THEMIS: variants seen among roughly 807,000 people sequenced by gnomAD.
THEMIS encodes the protein thymocyte selection associated.
THEMIS carries 37 observed loss-of-function variants against 52.6 expected under a neutral mutation model. That is an observed-to-expected ratio of 0.70 (90% CI 0.54 to 0.93). The LOEUF (loss-of-function observed/expected upper bound fraction) is 0.93, where lower values mean the gene tolerates loss of function less well. Ranked by LOEUF, THEMIS falls within the 40% of genes least tolerant of loss-of-function variation. The pLI, the probability that THEMIS is intolerant of heterozygous loss-of-function variation, is 0.00. For missense variants in THEMIS, 808 were observed against 763.1 expected (o/e 1.06, Z -0.69); for synonymous variants, 292 against 272.7 (o/e 1.07, Z -0.70).
chr6:127,717,996 G>A (rs1774231121), intron 5 of THEMIS, among the ~76,000 whole-genome samples: 1 of 151,752 alleles, frequency 6.6e-6, no homozygotes, highest in Admixed American at 6.6e-5. Flanking sequence ...TATTCCATGA[G>A]CTATCCATAT....
At chr6:127,865,174 C>T (rs1562309302) in intron 1 of THEMIS, among the ~76,000 whole-genome samples, 1 of 152,004 alleles carries the variant, frequency 6.6e-6, no homozygotes, top group Non-Finnish European at 1.5e-5. Flanking sequence ...TACAGTGTGG[C>T]CAAGGACCTC....
At chr6:127,736,672 G>GAA in intron 4 of THEMIS, among the ~76,000 whole-genome samples, 1 of 152,120 alleles carries the variant, frequency 6.6e-6, no homozygotes, top group South Asian at 2.1e-4. Context: ...CTAGGCTAAA[G>GAA]ACTCATCATT....
intron 4 of THEMIS, among the ~76,000 whole-genome samples, chr6:127,779,023 C>A (rs529892318): frequency 3.3e-5 from 5 of 152,162 alleles, no homozygotes; most frequent in Middle Eastern, 6.8e-3. Flanking sequence ...GTTGTTACAA[C>A]ATTATCTCTC....
intron 1 of THEMIS, among the ~76,000 whole-genome samples, chr6:127,888,166 TAGG>T (rs1273384160): frequency 1.3e-5 from 2 of 151,994 alleles, no homozygotes; most frequent in African/African-American, 4.8e-5. Context: ...CTAGTATGGC[TAGG>T]AGGAGAAGCA....
At chr6:127,866,601 T>C (rs1370879622) in intron 1 of THEMIS, among the ~76,000 whole-genome samples, 1 of 152,028 alleles carries the variant, frequency 6.6e-6, no homozygotes, top group Non-Finnish European at 1.5e-5. Context: ...ACTCTCCCCA[T>C]ATTTCCGTAT....
intron 4 of THEMIS, among the ~76,000 whole-genome samples, chr6:127,754,494 T>G (rs918231137): frequency 2.0e-5 from 3 of 152,182 alleles, no homozygotes; most frequent in African/African-American, 7.2e-5. Context: ...ATTCCTCTCA[T>G]AGTCACAAGA....
intron 4 of THEMIS, among the ~76,000 whole-genome samples, chr6:127,779,805 C>T (rs1776684127): frequency 6.6e-6 from 1 of 152,116 alleles, no homozygotes. Flanking sequence ...AAGAGACCAC[C>T]TGTAAAGCTT....
At chr6:127,768,427 C>T (rs2114423729) in intron 4 of THEMIS, among the ~76,000 whole-genome samples, 1 of 152,210 alleles carries the variant, frequency 6.6e-6, no homozygotes, top group East Asian at 1.9e-4. Context: ...GCTTCATCAT[C>T]AGTTTTCTAG....
chr6:127,775,086 G>C (rs961984175), intron 4 of THEMIS, among the ~76,000 whole-genome samples: 1 of 152,150 alleles, frequency 6.6e-6, no homozygotes, highest in Non-Finnish European at 1.5e-5. Context: ...CCTGGCTCAG[G>C]AGGCAGGGCA....
chr6:127,891,847 C>G (rs548768532), intron 1 of THEMIS, among the ~76,000 whole-genome samples: 67 of 152,238 alleles, frequency 4.4e-4, no homozygotes, highest in Non-Finnish European at 3.5e-4. Flanking sequence ...TAAACCTCTT[C>G]TCATATGTTC....
chr6:127,838,771 G>GA lies in THEMIS; in HGVS notation c.251-8838_251-8837insT, dbSNP rs555782696. Among the ~76,000 whole-genome samples, 25 of 152,184 alleles carry GA rather than the reference G, an allele frequency of 1.6e-4. No individual in the cohort carries two copies. The East Asian group carries it at 4.4e-3, about 27-fold the overall frequency. Reference sequence around the variant, plus strand: ...AATAATTCTTCCTTTAAACCCAGATGTGCAGTAAAAACTTTATCAAACAGC... The same window carrying GA: ...AATAATTCTTCCTTTAAACCCAGATGATGCAGTAAAAACTTTATCAAACAGC... On this transcript the variant is annotated intron_variant, in intron 2 of 5. Coordinates refer to ENST00000368248, the MANE Select transcript of THEMIS (RefSeq NM_001010923.3).
intron 1 of THEMIS, among the ~76,000 whole-genome samples, chr6:127,879,366 C>T (rs1029438556): frequency 6.6e-6 from 1 of 152,032 alleles, no homozygotes; most frequent in East Asian, 1.9e-4. Flanking sequence ...AATTCAGCAT[C>T]CTGACAGGTA....
At chr6:127,884,079 T>G (rs943392986) in intron 1 of THEMIS, among the ~76,000 whole-genome samples, 7 of 152,098 alleles carry the variant, frequency 4.6e-5, no homozygotes, top group African/African-American at 1.7e-4. Flanking sequence ...TTCCTGACAT[T>G]CTCTCAATCT....
chr6:127,746,480 T>G (rs932165609), intron 4 of THEMIS, among the ~76,000 whole-genome samples: 2 of 150,826 alleles, frequency 1.3e-5, no homozygotes, highest in Non-Finnish European at 3.0e-5. Context: ...ACTTTAAAAT[T>G]TAATTCAACT....
At chr6:127,863,979 T>C (rs1173276305) in intron 1 of THEMIS, among the ~76,000 whole-genome samples, 1 of 152,126 alleles carries the variant, frequency 6.6e-6, no homozygotes, top group Non-Finnish European at 1.5e-5. Context: ...CTTCTACCAT[T>C]AAAGCCAAGA....
chr6:127,882,996 C>A (rs888856104), intron 1 of THEMIS, among the ~76,000 whole-genome samples: 1 of 151,908 alleles, frequency 6.6e-6, no homozygotes, highest in African/African-American at 2.4e-5. Context: ...ATTCACTAAG[C>A]ATCATTATTC....
chr6:127,895,811 G>C (rs948160228), intron 1 of THEMIS, among the ~76,000 whole-genome samples: 3 of 151,236 alleles, frequency 2.0e-5, no homozygotes, highest in Non-Finnish European at 4.4e-5. Context: ...TAACACCAAA[G>C]TTACATAAAA....
intron 4 of THEMIS, among the ~76,000 whole-genome samples, chr6:127,801,023 A>C (rs1204065752): frequency 1.3e-5 from 2 of 152,206 alleles, no homozygotes; most frequent in Non-Finnish European, 2.9e-5. Flanking sequence ...GCATAATATG[A>C]TTAGATCAAA....
At chr6:127,752,538 T>A in intron 4 of THEMIS, among the ~76,000 whole-genome samples, 1 of 151,484 alleles carries the variant, frequency 6.6e-6, no homozygotes, top group Non-Finnish European at 1.5e-5. Context: ...AACATATTGG[T>A]AAACCAAGAA....
Sources: gnomAD v4.1 joint callset for allele counts (sites outside exome capture counted in the v4.1 genomes callset) on GRCh38, gnomAD v4.1.1 for gene constraint, MANE v1.5 for transcripts, NCBI Gene and HGNC (gene_info 2026-07-23, HGNC 2026-07-21) for gene names.